The following TMEM94 variants were observed in gnomAD, a reference collection of about 807,000 sequenced individuals.
The protein encoded by TMEM94 is ER Mg2+ ATPase.
TMEM94 carries 81 observed loss-of-function variants against 158.6 expected under a neutral mutation model. The ratio of observed to expected loss-of-function variants is 0.51; its 90% CI spans 0.43 to 0.61. The LOEUF (loss-of-function observed/expected upper bound fraction) is 0.61, where lower values mean the gene tolerates loss of function less well. TMEM94 is among the 20% of genes least tolerant of loss of function. The pLI is 0.00. For missense variants in TMEM94, 1,435 were observed against 1,762.0 expected, an observed-to-expected ratio of 0.81 and a Z score of 3.32; for synonymous variants, 751 against 730.7, an observed-to-expected ratio of 1.03 and a Z score of -0.45.
rs999776074 is a variant in TMEM94 at position 75,489,877 on chromosome 17, G to A, written c.954+215G>A. The A allele has an allele frequency of 2.8e-5, 17 of 597,432 alleles. 1 individual carries two copies. The highest frequency in any genetic ancestry group is 1.7e-4 in the East Asian group (6 of 35,348). The allele number at this position is 597,432 out of a possible 1,614,324, so 37.0% of individuals were successfully genotyped here. A position where few individuals can be genotyped will look rare whatever the true frequency, so the allele number is the denominator to read the frequency against. ...AGGCAGATCATGAGGTCAAGAGATC[G>A]AGACCATCCTGGCCAATATGGTGAA... is the stretch of plus-strand genomic sequence containing the variant. On this transcript the variant is annotated intron_variant, in intron 9 of 31. Coordinates refer to ENST00000314256, the MANE Select transcript of TMEM94 (RefSeq NM_014738.6). The surrounding 1 kb of genome is among the most constrained non-coding windows in gnomAD (Gnocchi z 5.0).
Position 75,495,708 on chromosome 17 carries a change from G to C in TMEM94, c.2944+65G>C. ...CGTCGGCTGAGCTCTGCCTGGGCCT[G>C]CGTACCCCGTGGGCTCTGGAGGGAT... On this transcript the variant is annotated intron_variant, in intron 22 of 31. Transcript: ENST00000314256. The surrounding 1 kb of genome is among the most constrained non-coding windows in gnomAD (Gnocchi z 5.6). 1 of 1,480,644 alleles carries C rather than the reference G, an allele frequency of 6.8e-7. No homozygotes were observed. Among genetic ancestry groups the C allele is most frequent in the Non-Finnish European group, 9.4e-7 (1 of 1,063,616 alleles). 91.7% of individuals were successfully genotyped at this position (1,480,644 alleles called of 1,614,324 possible).
chr17:75,481,481 C>T (rs55913045), intron 2 of TMEM94, among the ~76,000 whole-genome samples: 14,046 of 152,304 alleles, frequency 0.092, 706 homozygotes, highest in African/African-American at 0.1. Context: ...TTGAGTGCCT[C>T]CTGTGATGCC....
intron 1 of TMEM94, among the ~76,000 whole-genome samples, chr17:75,466,009 C>G (rs1178337860): frequency 6.6e-6 from 1 of 152,110 alleles, no homozygotes; most frequent in Non-Finnish European, 1.5e-5. Flanking sequence ...ACCTTCAACT[C>G]CTAGGCTCAT....
At chr17:75,462,014 T>G (rs1214090026) in intron 1 of TMEM94, among the ~76,000 whole-genome samples, 12 of 124,370 alleles carry the variant, frequency 9.6e-5, no homozygotes, top group African/African-American at 2.8e-4. Flanking sequence ...TTGTTTTGTT[T>G]TTTTTTTTTT....
intron 18 of TMEM94, 76 bp from the exon 19 acceptor site, chr17:75,494,551 T>A: frequency 6.9e-7 from 1 of 1,458,808 alleles, no homozygotes; most frequent in African/African-American, 1.4e-5. Flanking sequence ...GATTTGGGTG[T>A]GGCATCTGTG....
chr17:75,486,249 C>T (rs1482956023), intron 4 of TMEM94, 41 bp from the exon 5 acceptor site: 2 of 1,611,448 alleles, frequency 1.2e-6, no homozygotes. Context: ...GTGGGCGAGC[C>T]CTCACTCCCT....
rs1173860718 is a variant in TMEM94 at position 75,490,360 on chromosome 17, T to C, written c.1071+10T>C. 1 of 1,611,574 alleles carries C rather than the reference T, an allele frequency of 6.2e-7. No homozygotes were observed. Among genetic ancestry groups the C allele is most frequent in the African/African-American group, 1.3e-5 (1 of 75,014 alleles). Reference sequence around the variant, plus strand: ...CTCACCCAGCTCCCTGGTAGGTTTTTCCAAGGTGTCTGGGGGAAGTCACAG... The same window carrying C: ...CTCACCCAGCTCCCTGGTAGGTTTTCCCAAGGTGTCTGGGGGAAGTCACAG... On this transcript the variant is annotated intron_variant, in intron 10 of 31. Transcript: ENST00000314256.
chr17:75,475,968 G>GCCAGTCCATCCCGTCC (rs2050671928), intron 2 of TMEM94, among the ~76,000 whole-genome samples: 1 of 152,180 alleles, frequency 6.6e-6, no homozygotes, highest in Admixed American at 6.5e-5. Flanking sequence ...CTTCTCAGCG[G>GCCAGTCCATCCCGTCC]CCAGTCCATC....
chr17:75,478,842 G>A (rs1046018270), intron 2 of TMEM94, among the ~76,000 whole-genome samples: 1 of 152,194 alleles, frequency 6.6e-6, no homozygotes. Flanking sequence ...GGAGTTTCTA[G>A]CATGTGGGAA....
chr17:75,488,618 C>A, intron 6 of TMEM94, 141 bp from the exon 7 acceptor site: 1 of 951,142 alleles, frequency 1.1e-6, no homozygotes, highest in Non-Finnish European at 1.6e-6. Flanking sequence ...AAAGTCTAGT[C>A]CCACAGGCCC....
At chr17:75,471,088 T>C (rs2146227981) in intron 1 of TMEM94, among the ~76,000 whole-genome samples, 1 of 151,168 alleles carries the variant, frequency 6.6e-6, no homozygotes, top group South Asian at 2.1e-4. Context: ...AATACAAAAA[T>C]TAGCCGGGCG....
intron 1 of TMEM94, among the ~76,000 whole-genome samples, chr17:75,461,754 T>C (rs1443435618): frequency 6.6e-6 from 1 of 151,182 alleles, no homozygotes; most frequent in African/African-American, 2.4e-5. Context: ...AAACCCCGTC[T>C]CTACTAAAAA....
chr17:75,473,629 G>C (rs1312174160), intron 2 of TMEM94, among the ~76,000 whole-genome samples: 1 of 152,148 alleles, frequency 6.6e-6, no homozygotes, highest in Admixed American at 6.6e-5. Context: ...TAGCTCTCAG[G>C]GGCCATTTTT....
At position 75,498,178 on chromosome 17, in the gene TMEM94, C is replaced by G. The variant is rs899501603; in HGVS notation, c.3493C>G (p.Gln1165Glu). 6.2e-6 allele frequency: 10 copies of G among 1,613,872 alleles called. No individual in the cohort carries two copies. Among genetic ancestry groups the G allele is most frequent in the Non-Finnish European group, 8.5e-6 (10 of 1,180,010 alleles). The change falls in exon 28 of 32, where the codon CAG becomes GAG. Residue 1165 changes from glutamine to glutamate, a missense_variant. Gln to Glu is a conservative substitution (Grantham distance 29). Transcript: ENST00000314256. This position sits in a 1 kb window ranked among gnomAD's most constrained non-coding sequence, Gnocchi z 6.7. ...GTGACTGGCCTTGTTCCCGCAGACC[C>G]AGCACTACTTCCTGCTCTGCTTCCT... ...KNLQSIPKKT[Q>E]HYFLLCFLLK...
Position 75,498,688 on chromosome 17 carries a change from A to C in TMEM94, c.3793A>C (p.Thr1265Pro). 2 of 1,586,638 alleles carry C rather than the reference A, an allele frequency of 1.3e-6. No homozygotes were observed. Among genetic ancestry groups the C allele is most frequent in the Non-Finnish European group, 1.7e-6 (2 of 1,165,186 alleles). The change falls in exon 30 of 32, where the codon ACC becomes CCC. Residue 1265 changes from threonine to proline, a missense_variant. Physicochemically the swap from Thr to Pro is conservative, Grantham distance 38. Coordinates refer to ENST00000314256, the MANE Select transcript of TMEM94 (RefSeq NM_014738.6). The surrounding 1 kb of genome is among the most constrained non-coding windows in gnomAD (Gnocchi z 6.7). ...TKPLWRKSPL[T>P]NLWWAVTVPV... Reference sequence around the variant, plus strand: ...GCCCCTGTGGAGAAAGAGCCCCTTGACCAACCTCTGGTGGGCCGTGACAGT... The same window carrying C: ...GCCCCTGTGGAGAAAGAGCCCCTTGCCCAACCTCTGGTGGGCCGTGACAGT...
chr17:75,464,828 C>T (rs918772202), intron 1 of TMEM94, among the ~76,000 whole-genome samples: 5 of 151,892 alleles, frequency 3.3e-5, no homozygotes, highest in Non-Finnish European at 7.4e-5. Flanking sequence ...CCTGCCTCAG[C>T]CTCCCAAGTA....
chr17:75,499,864 C>T lies in TMEM94; in HGVS notation c.*530C>T. The stretch of plus-strand genomic sequence containing the variant: ...CCTCCCTCTGTGGGGGAGTCTCCCG[C>T]CTGAACCTGAAGATGGAGCAGGGCC... On this transcript the variant is annotated 3_prime_UTR_variant, in exon 32 of 32. Transcript: ENST00000314256. 6.4e-6 allele frequency: 1 copy of T among 157,132 alleles called. No homozygotes were observed. Among genetic ancestry groups the T allele is most frequent in the Non-Finnish European group, 1.4e-5 (1 of 70,530 alleles). The allele number at this position is 157,132 out of a possible 1,614,324, so 9.7% of individuals were successfully genotyped here. A position where few individuals can be genotyped will look rare whatever the true frequency, so the allele number is the denominator to read the frequency against.
intron 18 of TMEM94, among the ~76,000 whole-genome samples, chr17:75,494,309 A>T (rs1244470025): frequency 6.6e-6 from 1 of 152,210 alleles, no homozygotes; most frequent in Non-Finnish European, 1.5e-5. Flanking sequence ...CATTCCCACC[A>T]GACACGCACA....
chr17:75,477,134 CAA>C (rs1171645527), intron 2 of TMEM94, among the ~76,000 whole-genome samples: 1 of 152,164 alleles, frequency 6.6e-6, no homozygotes, highest in Non-Finnish European at 1.5e-5. Context: ...GGAACTAAGA[CAA>C]GAGCCACCAG....
Sources: gnomAD v4.1 joint callset for allele counts (sites outside exome capture counted in the v4.1 genomes callset) on GRCh38, gnomAD v4.1.1 for gene constraint, Gnocchi (gnomAD v3.1) non-coding constraint, MANE v1.5 for transcripts, NCBI Gene and HGNC (gene_info 2026-07-23, HGNC 2026-07-21) for gene names.